Variants in LRRC37B observed in about 807,000 individuals in gnomAD.
LRRC37B encodes leucine rich repeat containing 37B.
A neutral mutation model predicts 98.3 loss-of-function variants in LRRC37B; 28 were observed. That is an observed-to-expected ratio of 0.28 (90% CI 0.21 to 0.39). LRRC37B has a LOEUF of 0.39. Among genes scored for constraint, LRRC37B ranks in the 10% least tolerant of loss-of-function variants. The pLI is 1.00. For synonymous variants in LRRC37B, 364 were observed against 442.7 expected, an observed-to-expected ratio of 0.82 and a Z score of 2.23; for missense variants, 938 against 1,182.7, an observed-to-expected ratio of 0.79 and a Z score of 3.03.
intron 5 of LRRC37B, among the ~76,000 whole-genome samples, chr17:32,034,504 CAAAAAA>C (rs35735718): frequency 9.1e-5 from 4 of 43,900 alleles, no homozygotes; most frequent in Admixed American, 2.2e-4. Context: ...ACTCCATCTC[CAAAAAA>C]AAAAAAAAAA....
intron 8 of LRRC37B, 139 bp downstream of exon 11, chr17:32,045,957 T>G (rs1453741330): frequency 1.1e-6 from 1 of 943,286 alleles, no homozygotes; most frequent in Non-Finnish European, 1.5e-6. Context: ...TCCCTCAACT[T>G]CTGAATGACT....
intron 1 of LRRC37B, among the ~76,000 whole-genome samples, chr17:32,015,467 A>AT (rs1910628990): frequency 6.6e-6 from 1 of 152,182 alleles, no homozygotes; most frequent in African/African-American, 2.4e-5. Context: ...CCCCTTCCCT[A>AT]TACCAATATT....
intron 5 of LRRC37B, among the ~76,000 whole-genome samples, chr17:32,031,867 G>A (rs1384322195): frequency 1.1e-3 from 167 of 152,040 alleles, no homozygotes; most frequent in African/African-American, 3.9e-3. Flanking sequence ...TTAGCTGGGC[G>A]TAGTGATGCA....
At chr17:32,022,944 T>C in intron 1 of LRRC37B, 119 bp downstream of exon 4, 1 of 956,348 alleles carries the variant, frequency 1.0e-6, no homozygotes, top group Non-Finnish European at 1.6e-6. Flanking sequence ...GACTTTCTGC[T>C]TTCACCTTTG....
intron 7 of LRRC37B, among the ~76,000 whole-genome samples, chr17:32,043,574 A>T (rs1911502422): frequency 6.6e-6 from 1 of 152,176 alleles, no homozygotes; most frequent in South Asian, 2.1e-4. Flanking sequence ...CAAAAGAAAC[A>T]TCTTTGTGTC....
intron 5 of LRRC37B, among the ~76,000 whole-genome samples, chr17:32,032,572 C>G (rs553953498): frequency 1.3e-5 from 2 of 152,224 alleles, no homozygotes; most frequent in Non-Finnish European, 2.9e-5. Flanking sequence ...TTAGAAAATA[C>G]TTTCCACCTT....
chr17:32,048,638 C>T (rs1027893766), intron 9 of LRRC37B, among the ~76,000 whole-genome samples: 6 of 152,276 alleles, frequency 3.9e-5, no homozygotes, highest in Middle Eastern at 3.4e-3. Flanking sequence ...AAAAAAATAC[C>T]GCTTTTATAA....
intron 5 of LRRC37B, chr17:32,034,014 G>GTT: frequency 6.6e-6 from 1 of 152,296 alleles, no homozygotes; most frequent in Non-Finnish European, 1.5e-5. Context: ...TAGACAGGTG[G>GTT]TTACATGCAG....
At chr17:32,021,111 A>G (rs2142240081) in exon 1 of LRRC37B, 2 of 1,614,092 alleles carry the variant, frequency 1.2e-6, no homozygotes, top group Middle Eastern at 1.7e-4. Context: ...GGCTGCCAGA[A>G]TGGCTTTTGC....
In LRRC37B at chr17:32,029,183, A is replaced by C. The variant is rs528825665; in HGVS notation, c.1904+1343A>C. ...TGCCCAGCTAATTTATTGTATTTTT[A>C]GTAGAGACGGGGTTTCACCTTGTTA... On this transcript the variant is annotated intron_variant, in intron 3 of 11. Transcript: ENST00000327564. Among the ~76,000 whole-genome samples, 35 of 152,086 alleles carry C rather than the reference A, an allele frequency of 2.3e-4. No individual in the cohort carries two copies. The South Asian group carries it at 7.3e-3, about 32-fold the overall frequency.
At chr17:32,008,760 G>T (rs1598199147) in intron 1 of LRRC37B, among the ~76,000 whole-genome samples, 1 of 152,268 alleles carries the variant, frequency 6.6e-6, no homozygotes, top group Middle Eastern at 3.4e-3. Flanking sequence ...GTGCTGACGG[G>T]CTAGTGCAAC....
At chr17:32,024,846 G>C in intron 2 of LRRC37B, 64 bp downstream of exon 5, 1 of 1,576,378 alleles carries the variant, frequency 6.3e-7, no homozygotes, top group Non-Finnish European at 8.6e-7. Context: ...TCTTGGTCCA[G>C]AATTTTGAGG....
chr17:32,015,999 A>G (rs1368379955), intron 1 of LRRC37B, among the ~76,000 whole-genome samples: 1 of 152,258 alleles, frequency 6.6e-6, no homozygotes, highest in Non-Finnish European at 1.5e-5. Flanking sequence ...ATTTCTGTCT[A>G]AAATATATAG....
chr17:32,041,036 G>A (rs1911412301), intron 7 of LRRC37B: 1 of 775,400 alleles, frequency 1.3e-6, no homozygotes, highest in African/African-American at 1.7e-5. Flanking sequence ...ACAACCTCCT[G>A]GAGACCAACA....
At chr17:32,012,853 C>A (rs1295363513) in intron 1 of LRRC37B, among the ~76,000 whole-genome samples, 1 of 152,114 alleles carries the variant, frequency 6.6e-6, no homozygotes, top group Non-Finnish European at 1.5e-5. Context: ...CCCGTCCCTA[C>A]TAAAAATACA....
At chr17:32,009,679 C>G (rs985987479) in intron 1 of LRRC37B, among the ~76,000 whole-genome samples, 11 of 152,050 alleles carry the variant, frequency 7.2e-5, no homozygotes, top group Non-Finnish European at 1.2e-4. Context: ...TTCACCCACG[C>G]TGGAGTGCAG....
At position 32,035,640 on chromosome 17, in the gene LRRC37B, G is replaced by A; in HGVS notation, c.2204+1G>A. 1 of 1,599,522 alleles carries A rather than the reference G, an allele frequency of 6.3e-7. No homozygotes were observed. Among genetic ancestry groups the A allele is most frequent in the Non-Finnish European group, 8.5e-7 (1 of 1,172,716 alleles). On this transcript the variant is annotated splice_donor_variant, in intron 7 of 11. Coordinates refer to ENST00000327564, the Ensembl canonical transcript of LRRC37B. LOFTEE classifies it high-confidence loss of function. ...CGATGACTGTTGAACTGGAAAAACTGTAAGTTATTTTTTCTTAGATTTATT... is the reference window on the plus strand; with the variant it reads ...CGATGACTGTTGAACTGGAAAAACTATAAGTTATTTTTTCTTAGATTTATT...
intron 2 of LRRC37B, among the ~76,000 whole-genome samples, chr17:32,027,420 T>G (rs1910992622): frequency 6.6e-6 from 1 of 150,612 alleles, no homozygotes; most frequent in African/African-American, 2.5e-5. Context: ...CAAGTGTGTG[T>G]GCGTGCTTGC....
upstream of LRRC37B, chr17:32,020,583 G>A: frequency 7.0e-6 from 4 of 567,678 alleles, no homozygotes; most frequent in Non-Finnish European, 9.0e-6. Context: ...CTACCTAATA[G>A]GGTGGTGAAT....
Sources: allele counts gnomAD v4.1 joint callset (sites outside exome capture counted in the v4.1 genomes callset), GRCh38; gene constraint gnomAD v4.1.1; transcripts MANE v1.5; gene names NCBI Gene and HGNC (gene_info 2026-07-23, HGNC 2026-07-21).